The following ZMYND8 variants were observed in gnomAD, a reference collection of about 807,000 sequenced individuals.
ZMYND8 encodes MYND-type zinc finger-containing chromatin reader ZMYND8.
ZMYND8 carries 37 observed loss-of-function variants against 140.8 expected under a neutral mutation model. The observed-to-expected ratio is 0.26, with a 90% CI of 0.20 to 0.35. ZMYND8 has a LOEUF of 0.35. ZMYND8 is among the 10% of genes least tolerant of loss of function. The pLI, the probability that ZMYND8 is intolerant of heterozygous loss-of-function variation, is 1.00. For synonymous variants in ZMYND8, 592 were observed against 597.1 expected, an observed-to-expected ratio of 0.99 and a Z score of 0.12; for missense variants, 1,068 against 1,570.0, an observed-to-expected ratio of 0.68 and a Z score of 5.40.
At chr20:47,237,202 G>A (rs1196082367) in intron 15 of ZMYND8, 1 of 151,508 alleles carries the variant, frequency 6.6e-6, no homozygotes, top group Non-Finnish European at 1.5e-5. Flanking sequence ...GAGTGCAGTG[G>A]TGCAATCTTA....
intron 16 of ZMYND8, among the ~76,000 whole-genome samples, chr20:47,235,247 G>A (rs2039070880): frequency 6.6e-6 from 1 of 152,170 alleles, no homozygotes; most frequent in South Asian, 2.1e-4. Flanking sequence ...CCTTGGCAGT[G>A]AGCAAAACAG....
intron 2 of ZMYND8, among the ~76,000 whole-genome samples, chr20:47,321,856 CTTTTTT>C (rs60425976): frequency 0.017 from 2,061 of 123,466 alleles, 35 homozygotes; most frequent in African/African-American, 0.062. Context: ...ACTCGCCGCC[CTTTTTT>C]TTTTTTTTTT....
chr20:47,212,539 A>C lies in ZMYND8; in HGVS notation c.3568+103T>G, dbSNP rs556772603. The C allele has an allele frequency of 2.3e-6, 3 of 1,318,340 alleles. No individual in the cohort carries two copies. In the South Asian group the frequency reaches 3.6e-5, roughly 16 times the overall value. 81.7% of individuals were successfully genotyped at this position (1,318,340 alleles called of 1,614,324 possible). A position where few individuals can be genotyped will look rare whatever the true frequency, so the allele number is the denominator to read the frequency against. ...ACCCACAACTCAAAAGAACAGGAGAAGACACACCCACAAAGGAACACATAC... is the reference window on the plus strand; with the variant it reads ...ACCCACAACTCAAAAGAACAGGAGACGACACACCCACAAAGGAACACATAC... On this transcript the variant is annotated intron_variant, in intron 22 of 22. Transcript: ENST00000471951.
chr20:47,307,130 G>A (rs1423547964), intron 3 of ZMYND8, among the ~76,000 whole-genome samples: 2 of 152,024 alleles, frequency 1.3e-5, no homozygotes, highest in Non-Finnish European at 2.9e-5. Flanking sequence ...CCTCATGAAT[G>A]GGATTAGTGC....
intron 11 of ZMYND8, 142 bp from the exon 12 acceptor site, chr20:47,262,570 G>T: frequency 8.5e-7 from 1 of 1,169,974 alleles, no homozygotes. Flanking sequence ...AATGGGGTGG[G>T]GTGGAGCATA....
At chr20:47,220,208 T>C in intron 21 of ZMYND8, 50 bp downstream of exon 21, 1 of 1,465,336 alleles carries the variant, frequency 6.8e-7, no homozygotes, top group African/African-American at 1.4e-5. Flanking sequence ...GCTCCCCATC[T>C]GCCCATCTGA....
chr20:47,354,351 C>G (rs756106593), intron 1 of ZMYND8: 10 of 152,138 alleles, frequency 6.6e-5, no homozygotes, highest in Non-Finnish European at 1.5e-4. Context: ...GGCACCAAAC[C>G]AGGAGTCTTA....
chr20:47,352,399 T>C (rs1238818144), intron 1 of ZMYND8: 8 of 957,798 alleles, frequency 8.4e-6, no homozygotes, highest in Non-Finnish European at 9.9e-6. Context: ...CCTAAGACAG[T>C]TAACATCAAG....
At position 47,298,499 on chromosome 20, in the gene ZMYND8, A is replaced by T; in HGVS notation, c.453+230T>A. The T allele has an allele frequency of 2.0e-6, 2 of 985,412 alleles. No homozygotes were observed. Among genetic ancestry groups the T allele is most frequent in the Non-Finnish European group, 2.4e-6 (2 of 829,936 alleles). The allele number at this position is 985,412 out of a possible 1,614,324, so 61.0% of individuals were successfully genotyped here. On this transcript the variant is annotated intron_variant, in intron 4 of 22. Coordinates refer to ENST00000471951, the MANE Select transcript of ZMYND8 (RefSeq NM_001281775.3). This position sits in a 1 kb window ranked among gnomAD's most constrained non-coding sequence, Gnocchi z 5.0. ...CTACAGATCTCCAAGGAATCCAAGG[A>T]CTCATGAGAAATCAGAAATAATATT...
chr20:47,323,982 CAA>C (rs2080181080), intron 2 of ZMYND8, among the ~76,000 whole-genome samples: 1 of 151,890 alleles, frequency 6.6e-6, no homozygotes, highest in Non-Finnish European at 1.5e-5. Context: ...TGATGGATCA[CAA>C]AGTCAAGAGA....
chr20:47,210,558 G>C lies in ZMYND8; in HGVS notation c.*203C>G. On this transcript the variant is annotated 3_prime_UTR_variant, in exon 23 of 23. Coordinates refer to ENST00000471951, the MANE Select transcript of ZMYND8 (RefSeq NM_001281775.3). Reference sequence around the variant, plus strand: ...TATTTACACCAAAAGCACAGGGCTCGTGTGGGTGAACAGTCTGCAGTCAAA... The same window carrying C: ...TATTTACACCAAAAGCACAGGGCTCCTGTGGGTGAACAGTCTGCAGTCAAA... 3.0e-6 allele frequency: 2 copies of C among 661,020 alleles called. No homozygotes were observed. Among genetic ancestry groups the C allele is most frequent in the Non-Finnish European group, 5.2e-6 (2 of 383,108 alleles). The allele number at this position is 661,020 out of a possible 1,614,324, so 40.9% of individuals were successfully genotyped here. A position where few individuals can be genotyped will look rare whatever the true frequency, so the allele number is the denominator to read the frequency against.
intron 17 of ZMYND8, among the ~76,000 whole-genome samples, chr20:47,228,887 C>G (rs187897896): frequency 7.7e-4 from 118 of 152,320 alleles, no homozygotes; most frequent in Non-Finnish European, 1.3e-3. Context: ...CATCCACAGA[C>G]AGCCGGCAAG....
At chr20:47,303,138 G>A (rs2078198344) in intron 3 of ZMYND8, among the ~76,000 whole-genome samples, 1 of 152,194 alleles carries the variant, frequency 6.6e-6, no homozygotes, top group South Asian at 2.1e-4. Flanking sequence ...TAGGAAAATG[G>A]TTGCTTCGAA....
intron 11 of ZMYND8, among the ~76,000 whole-genome samples, chr20:47,265,194 TC>T (rs1241600846): frequency 1.3e-5 from 2 of 152,048 alleles, no homozygotes; most frequent in Non-Finnish European, 2.9e-5. Context: ...TGTAATAGAT[TC>T]CCCTTGAGGA....
At chr20:47,333,246 A>T (rs979796659) in intron 2 of ZMYND8, among the ~76,000 whole-genome samples, 1 of 152,094 alleles carries the variant, frequency 6.6e-6, no homozygotes, top group Non-Finnish European at 1.5e-5. Context: ...AGCCAGACAT[A>T]GTGGTACACT....
At chr20:47,310,723 T>C (rs2078857293) in intron 2 of ZMYND8, among the ~76,000 whole-genome samples, 1 of 150,214 alleles carries the variant, frequency 6.7e-6, no homozygotes, top group Non-Finnish European at 1.5e-5. Flanking sequence ...GAGGCGGAGA[T>C]TTCAGTGAGC....
chr20:47,211,800 G>A (rs1158488866), intron 22 of ZMYND8, among the ~76,000 whole-genome samples: 2 of 152,210 alleles, frequency 1.3e-5, no homozygotes, highest in Non-Finnish European at 2.9e-5. Context: ...GGGCAAGAGT[G>A]GAGTGGGCCA....
intron 21 of ZMYND8, among the ~76,000 whole-genome samples, chr20:47,213,693 A>G (rs539808715): frequency 6.6e-6 from 1 of 152,376 alleles, no homozygotes; most frequent in African/African-American, 2.4e-5. Flanking sequence ...CAGACAGAAC[A>G]AAAGAGCTAA....
intron 3 of ZMYND8, among the ~76,000 whole-genome samples, chr20:47,308,239 GAC>G (rs1430774066): frequency 1.4e-5 from 2 of 139,486 alleles, no homozygotes; most frequent in African/African-American, 5.6e-5. Context: ...TTTTTTTGGA[GAC>G]AGAGTCTTGC....
Sources: allele counts gnomAD v4.1 joint callset (sites outside exome capture counted in the v4.1 genomes callset), GRCh38; gene constraint gnomAD v4.1.1; non-coding constraint Gnocchi (gnomAD v3.1); transcripts MANE v1.5; gene names NCBI Gene and HGNC (gene_info 2026-07-23, HGNC 2026-07-21).